MUSK: variants seen among roughly 807,000 people sequenced by gnomAD.
MUSK encodes muscle associated receptor tyrosine kinase.
A neutral mutation model predicts 88.7 loss-of-function variants in MUSK; 55 were observed. The ratio of observed to expected loss-of-function variants is 0.62; its 90% CI spans 0.50 to 0.78. The LOEUF is 0.78. MUSK is among the 30% of genes least tolerant of loss of function. The pLI, the probability that MUSK is intolerant of heterozygous loss-of-function variation, is 0.00. For missense variants in MUSK, 1,015 were observed against 1,074.3 expected (o/e 0.94, Z 0.77); for synonymous variants, 387 against 391.9 (o/e 0.99, Z 0.15).
intron 5 of MUSK, among the ~76,000 whole-genome samples, chr9:110,706,633 A>T (rs971414280): frequency 3.3e-5 from 5 of 152,152 alleles, no homozygotes; most frequent in African/African-American, 1.2e-4. Flanking sequence ...GTTTGCTATC[A>T]TGATTGCTTG....
chr9:110,689,801 A>C (rs1429060953), intron 3 of MUSK, among the ~76,000 whole-genome samples: 1 of 73,274 alleles, frequency 1.4e-5, no homozygotes, highest in Admixed American at 2.0e-4. Context: ...TTTAATATAT[A>C]ATATATAACT....
intron 3 of MUSK, among the ~76,000 whole-genome samples, chr9:110,688,693 T>C (rs1464630641): frequency 6.6e-6 from 1 of 151,940 alleles, no homozygotes; most frequent in African/African-American, 2.4e-5. Context: ...TAGCTCCCAC[T>C]TCTAAGTGAG....
rs1209012087 is a variant in MUSK, at chr9:110,800,217, G to A, written c.1928-89G>A. 3.3e-6 allele frequency: 4 copies of A among 1,198,206 alleles called. No homozygotes were observed. In the African/African-American group the frequency reaches 4.6e-5, roughly 14 times the overall value. 74.2% of individuals were successfully genotyped at this position (1,198,206 alleles called of 1,614,324 possible). A position where few individuals can be genotyped will look rare whatever the true frequency, so the allele number is the denominator to read the frequency against. On this transcript the variant is annotated intron_variant, in intron 14 of 14. Coordinates refer to ENST00000374448, the MANE Select transcript of MUSK (RefSeq NM_005592.4). ...AACAACAAAAAACAGGGCTTCATAT[G>A]TTCTGACATGGTCGTTTGCTTTTGG...
chr9:110,670,887 G>C (rs1427262007), intron 1 of MUSK, among the ~76,000 whole-genome samples: 1 of 152,038 alleles, frequency 6.6e-6, no homozygotes, highest in African/African-American at 2.4e-5. Flanking sequence ...CTAATATCAT[G>C]AAAGCATAAT....
At chr9:110,681,094 T>TTATATAATATATATTATATATAATA (rs2076121420) in intron 1 of MUSK, among the ~76,000 whole-genome samples, 3 of 15,998 alleles carry the variant, frequency 1.9e-4, no homozygotes, top group Admixed American at 1.3e-3. Context: ...ATAATATATA[T>TTATATAATATATATTATATATAATA]TATATAATAT....
At chr9:110,767,445 T>C (rs1056847790) in intron 8 of MUSK, among the ~76,000 whole-genome samples, 2 of 152,248 alleles carry the variant, frequency 1.3e-5, no homozygotes, top group African/African-American at 4.8e-5. Flanking sequence ...GCTCAATTAT[T>C]TGTTAACCAT....
intron 3 of MUSK, among the ~76,000 whole-genome samples, chr9:110,688,321 T>C (rs1427341920): frequency 6.6e-6 from 1 of 152,160 alleles, no homozygotes; most frequent in African/African-American, 2.4e-5. Context: ...ATTCTCATAA[T>C]TCCTTGACCT....
rs936744348 is a variant in MUSK at position 110,757,256 on chromosome 9, C to T, written c.914-4946C>T. Among the ~76,000 whole-genome samples, 19 of 151,878 alleles carry T rather than the reference C, an allele frequency of 1.3e-4. No individual in the cohort carries two copies. The East Asian group carries it at 1.5e-3, about 12-fold the overall frequency. On this transcript the variant is annotated intron_variant, in intron 7 of 14. Transcript: ENST00000374448. Reference sequence around the variant, plus strand: ...GGTGGATAATTTGAGGTTGGGAGTTCGAGACTAGCCTGGCCAACATGGTGA... The same window carrying T: ...GGTGGATAATTTGAGGTTGGGAGTTTGAGACTAGCCTGGCCAACATGGTGA...
At position 110,785,641 on chromosome 9, in the gene MUSK, C is replaced by A; in HGVS notation, c.1701C>A (p.Ser567Arg). ...TCCTTCTGAACCCCAAATTGCTCAGCCTGGAGTATCCAAGGAATAACATTG... is the reference window on the plus strand; with the variant it reads ...TCCTTCTGAACCCCAAATTGCTCAGACTGGAGTATCCAAGGAATAACATTG... Reference protein sequence around the residue: ...MPLLLNPKLLSLEYPRNNIEY... With the variant: ...MPLLLNPKLLRLEYPRNNIEY... The change falls in exon 13 of 15, where the codon AGC becomes AGA. Residue 567 changes from serine (S) to arginine (R), a missense_variant. Coordinates refer to ENST00000374448, the MANE Select transcript of MUSK (RefSeq NM_005592.4). The A allele has an allele frequency of 6.2e-7, 1 of 1,613,162 alleles. No individual in the cohort carries two copies. Among genetic ancestry groups the A allele is most frequent in the African/African-American group, 1.3e-5 (1 of 74,902 alleles).
Position 110,777,494 on chromosome 9 carries a change from A to G in MUSK, c.1384+839A>G, listed in dbSNP as rs1254452783. On this transcript the variant is annotated intron_variant, in intron 11 of 14. Transcript: ENST00000374448. The stretch of plus-strand genomic sequence containing the variant: ...TTGAATTACTCAGAGGTATTAAACA[A>G]GAAGAGTTATGGAAACCTTAAAAAT... 2.0e-5 allele frequency among the ~76,000 whole-genome samples: 3 copies of G among 152,146 alleles called. No individual in the cohort carries two copies. The East Asian group carries it at 5.8e-4, about 29-fold the overall frequency.
intron 1 of MUSK, among the ~76,000 whole-genome samples, chr9:110,670,266 A>T (rs947134880): frequency 6.6e-6 from 1 of 152,338 alleles, no homozygotes; most frequent in African/African-American, 2.4e-5. Context: ...AGAAAGACTT[A>T]ACATTGGCTT....
At chr9:110,781,442 A>G (rs2077756529) in intron 11 of MUSK, among the ~76,000 whole-genome samples, 1 of 151,958 alleles carries the variant, frequency 6.6e-6, no homozygotes. Flanking sequence ...ATGCCCAGCT[A>G]ATTTTTTGTA....
intron 3 of MUSK, among the ~76,000 whole-genome samples, chr9:110,694,915 G>T (rs2076413314): frequency 2.0e-5 from 3 of 151,994 alleles, no homozygotes; most frequent in Non-Finnish European, 4.4e-5. Context: ...TCTAGAGAAT[G>T]AATGTATTTA....
rs199819010 is a variant in MUSK at position 110,708,008 on chromosome 9, GA to G, written c.628+10545del. On this transcript the variant is annotated intron_variant, in intron 5 of 14. Transcript: ENST00000374448. ...CCCTTAAGGCCAACAAATCTATTCA[GA>G]AACTTTTTATCTGAAGATATTTTTG... 7.7e-3 allele frequency among the ~76,000 whole-genome samples: 1,174 copies of G among 152,194 alleles called. 34 individuals are homozygous for G. The highest frequency in any genetic ancestry group is 4.7e-3 in the Non-Finnish European group (319 of 68,020).
At chr9:110,761,892 T>C in intron 7 of MUSK, 1 of 985,272 alleles carries the variant, frequency 1.0e-6, no homozygotes, top group Non-Finnish European at 1.2e-6. Flanking sequence ...GATTTCTTAA[T>C]GTAAAGTCCC....
intron 5 of MUSK, among the ~76,000 whole-genome samples, chr9:110,710,232 G>A (rs1049259388): frequency 5.3e-5 from 8 of 152,010 alleles, no homozygotes; most frequent in Non-Finnish European, 5.9e-5. Context: ...GACAGACCTG[G>A]GTGTTAATCC....
intron 5 of MUSK, among the ~76,000 whole-genome samples, chr9:110,712,939 T>A (rs533785799): frequency 6.6e-6 from 1 of 152,262 alleles, no homozygotes; most frequent in African/African-American, 2.4e-5. Flanking sequence ...TGTAGGGTTA[T>A]ATACACAGGA....
chr9:110,732,934 C>G (rs1042669635), intron 5 of MUSK, among the ~76,000 whole-genome samples: 1 of 152,028 alleles, frequency 6.6e-6, no homozygotes, highest in Non-Finnish European at 1.5e-5. Flanking sequence ...TTATGCAATG[C>G]TTTTTAAGAG....
chr9:110,803,564 T>G lies in MUSK; in HGVS notation c.*2576T>G, dbSNP rs1285233460. ...AACTCTGTGGAAGTGATTTGTAATT[T>G]GCATGTCGTTTCAAGCACACTCTAT... On this transcript the variant is annotated 3_prime_UTR_variant, in exon 15 of 15. Coordinates refer to ENST00000374448, the MANE Select transcript of MUSK (RefSeq NM_005592.4). Among the ~76,000 whole-genome samples, 3 of 152,246 alleles carry G rather than the reference T, an allele frequency of 2.0e-5. No individual in the cohort carries two copies. Among genetic ancestry groups the G allele is most frequent in the Non-Finnish European group, 4.4e-5 (3 of 68,048 alleles).
Sources: allele counts gnomAD v4.1 joint callset (sites outside exome capture counted in the v4.1 genomes callset), GRCh38; gene constraint gnomAD v4.1.1; transcripts MANE v1.5; gene names NCBI Gene and HGNC (gene_info 2026-07-23, HGNC 2026-07-21).